The following TUSC3 variants were observed in gnomAD, a reference collection of about 807,000 sequenced individuals.
TUSC3 encodes dolichyl-diphosphooligosaccharide--protein glycosyltransferase subunit TUSC3.
In TUSC3, 45 loss-of-function variants were observed where a neutral mutation model predicts 44.8. That is an observed-to-expected ratio of 1.00 (90% CI 0.79 to 1.29). The LOEUF is 1.29. Ranked by LOEUF, TUSC3 falls within the 50% of genes most tolerant of loss-of-function variation. The pLI, the probability that TUSC3 is intolerant of heterozygous loss-of-function variation, is 0.00. For missense variants in TUSC3, 519 were observed against 437.9 expected (o/e 1.19, Z -1.65); for synonymous variants, 212 against 152.9 (o/e 1.39, Z -2.85).
chr8:15,557,545 G>T (rs376611505), intron 1 of TUSC3, among the ~76,000 whole-genome samples: 10 of 74,516 alleles, frequency 1.3e-4, no homozygotes, highest in Admixed American at 3.2e-4. Context: ...GTGAAGAAAG[G>T]CATTGGTAGC....
chr8:15,519,925 T>C (rs1410802043), intron 2 of TUSC3, among the ~76,000 whole-genome samples: 5 of 152,192 alleles, frequency 3.3e-5, no homozygotes, highest in African/African-American at 1.2e-4. Context: ...TAACTCTCAA[T>C]ATACCTAAAT....
chr8:15,531,626 T>G (rs1317813086), intron 2 of TUSC3, among the ~76,000 whole-genome samples: 1 of 152,184 alleles, frequency 6.6e-6, no homozygotes, highest in African/African-American at 2.4e-5. Context: ...TGCCCCTCAG[T>G]TGAATGCCCC....
intron 1 of TUSC3, among the ~76,000 whole-genome samples, chr8:15,426,470 A>G (rs1013252986): frequency 2.6e-5 from 4 of 152,200 alleles, no homozygotes; most frequent in Non-Finnish European, 5.9e-5. Flanking sequence ...TGTTATAGAT[A>G]CCTCATGTAA....
chr8:15,851,389 C>G, the TUSC3 span, among the ~76,000 whole-genome samples: 3,027 of 152,198 alleles, frequency 0.02, 104 homozygotes, highest in African/African-American at 0.069. Context: ...TAAAGTATAA[C>G]GATGCGATGA....
At chr8:15,596,080 T>C (rs1804053590) in intron 1 of TUSC3, among the ~76,000 whole-genome samples, 1 of 152,228 alleles carries the variant, frequency 6.6e-6, no homozygotes, top group Admixed American at 6.5e-5. Flanking sequence ...TCTAAAGTGA[T>C]GTAACATTTA....
chr8:15,696,963 T>C (rs1470420009), intron 6 of TUSC3, among the ~76,000 whole-genome samples: 22 of 152,142 alleles, frequency 1.4e-4, no homozygotes, highest in Admixed American at 1.4e-3. Context: ...ACCATTTCAT[T>C]CTTGCTCCTT....
the TUSC3 span, among the ~76,000 whole-genome samples, chr8:15,777,305 C>A: frequency 1.3e-5 from 2 of 152,236 alleles, no homozygotes; most frequent in African/African-American, 4.8e-5. Flanking sequence ...CCAAGCTGTT[C>A]CCAAAGCTGA....
In TUSC3 at chr8:15,765,657, T is replaced by C. The variant is rs1478430817; in HGVS notation, c.*1501T>C. On this transcript the variant is annotated 3_prime_UTR_variant, in exon 11 of 11. Coordinates refer to ENST00000503731, the MANE Select transcript of TUSC3 (RefSeq NM_006765.4). ...CGTAATAATTGTAAGTTTATAATCA[T>C]ACTCCCAAATCTGTTACTAAAAATA... The C allele has an allele frequency of 6.6e-6, 1 of 152,060 alleles. No homozygotes were observed. Among genetic ancestry groups the C allele is most frequent in the Non-Finnish European group, 1.5e-5 (1 of 67,968 alleles). The allele number at this position is 152,060 out of a possible 1,614,324, so 9.4% of individuals were successfully genotyped here.
At chr8:15,789,902 G>T in the TUSC3 span, among the ~76,000 whole-genome samples, 1 of 152,138 alleles carries the variant, frequency 6.6e-6, no homozygotes, top group Non-Finnish European at 1.5e-5. Flanking sequence ...AGGCTGTCAG[G>T]GTTCTTGACT....
the TUSC3 span, among the ~76,000 whole-genome samples, chr8:15,851,528 A>G: frequency 9.2e-5 from 14 of 152,346 alleles, no homozygotes; most frequent in African/African-American, 2.9e-4. Context: ...TTACAGATGA[A>G]GAAACTCTGA....
intron 2 of TUSC3, among the ~76,000 whole-genome samples, chr8:15,530,299 C>G (rs1314312837): frequency 6.6e-6 from 1 of 152,060 alleles, no homozygotes; most frequent in East Asian, 1.9e-4. Flanking sequence ...TCATTTCTTT[C>G]TTGCCCCTAC....
At position 15,748,365 on chromosome 8, in the gene TUSC3, C is replaced by A; in HGVS notation, c.938-10C>A. The A allele has an allele frequency of 6.2e-7, 1 of 1,604,614 alleles. No homozygotes were observed. Among genetic ancestry groups the A allele is most frequent in the Non-Finnish European group, 8.5e-7 (1 of 1,171,578 alleles). On this transcript the variant is annotated splice_polypyrimidine_tract_variant and intron_variant, in intron 8 of 10. Transcript: ENST00000503731. ...TTTAGACACTAATGGTATTTTCTGTCTGTTTCTAGTAATTTGCCTAGTGGG... is the reference window on the plus strand; with the variant it reads ...TTTAGACACTAATGGTATTTTCTGTATGTTTCTAGTAATTTGCCTAGTGGG...
intron 6 of TUSC3, among the ~76,000 whole-genome samples, chr8:15,729,163 T>A (rs981407929): frequency 1.3e-5 from 2 of 152,206 alleles, no homozygotes; most frequent in African/African-American, 4.8e-5. Flanking sequence ...TTACGTAAAT[T>A]TGGCCATATT....
intron 2 of TUSC3, among the ~76,000 whole-genome samples, chr8:15,522,391 CAT>C (rs1263012916): frequency 2.6e-5 from 4 of 152,128 alleles, no homozygotes; most frequent in South Asian, 4.1e-4. Flanking sequence ...CGCCAGCACA[CAT>C]GTCTAAATTT....
the TUSC3 span, among the ~76,000 whole-genome samples, chr8:15,805,262 T>C: frequency 6.6e-6 from 1 of 152,282 alleles, no homozygotes; most frequent in African/African-American, 2.4e-5. Flanking sequence ...AGGTATATAA[T>C]CATTAAGTCT....
chr8:15,804,203 C>G, the TUSC3 span, among the ~76,000 whole-genome samples: 5 of 152,264 alleles, frequency 3.3e-5, no homozygotes, highest in African/African-American at 1.2e-4. Flanking sequence ...ACATCCTCTC[C>G]AGCATCTGTT....
chr8:15,664,602 G>C (rs972453093), intron 5 of TUSC3, among the ~76,000 whole-genome samples: 2 of 149,464 alleles, frequency 1.3e-5, no homozygotes, highest in Non-Finnish European at 3.0e-5. Flanking sequence ...TCAATAAAAG[G>C]CTGCAGAGAA....
chr8:15,548,294 C>G (rs1801943092), intron 1 of TUSC3, among the ~76,000 whole-genome samples: 1 of 151,810 alleles, frequency 6.6e-6, no homozygotes, highest in Admixed American at 6.6e-5. Context: ...TTGAGAGAAG[C>G]TGGGACACTT....
intron 1 of TUSC3, among the ~76,000 whole-genome samples, chr8:15,468,401 A>G (rs1800442526): frequency 6.6e-6 from 1 of 152,186 alleles, no homozygotes; most frequent in South Asian, 2.1e-4. Flanking sequence ...GAATGGCTTC[A>G]TGATGGACAC....
Sources: gnomAD v4.1 joint callset for allele counts (sites outside exome capture counted in the v4.1 genomes callset) on GRCh38, gnomAD v4.1.1 for gene constraint, MANE v1.5 for transcripts, NCBI Gene and HGNC (gene_info 2026-07-23, HGNC 2026-07-21) for gene names.